The following NLGN4Y variants were observed in gnomAD, a reference collection of about 807,000 sequenced individuals.
The protein encoded by NLGN4Y is neuroligin 4 Y-linked.
Under a neutral mutation model 8.4 loss-of-function variants are expected in NLGN4Y, and 4 were observed. The observed-to-expected ratio is 0.48, with a 90% CI of 0.23 to 1.09. The LOEUF is 1.09. NLGN4Y is among the 50% of genes least tolerant of loss of function. The pLI, the probability that NLGN4Y is intolerant of heterozygous loss-of-function variation, is 0.19. For missense variants in NLGN4Y, 90 were observed against 192.3 expected, an observed-to-expected ratio of 0.47 and a Z score of 3.15; for synonymous variants, 35 against 75.6, an observed-to-expected ratio of 0.46 and a Z score of 2.78.
chrY:14,655,108 G>A, intron 2 of NLGN4Y, among the ~76,000 whole-genome samples: 1 of 32,805 alleles, frequency 3.0e-5, no homozygotes, highest in Non-Finnish European at 7.5e-5. Flanking sequence ...CTGCTTTGTT[G>A]TTACCCCGAT....
chrY:14,762,670 A>C, intron 4 of NLGN4Y, among the ~76,000 whole-genome samples: 1 of 34,376 alleles, frequency 2.9e-5, no homozygotes, highest in African/African-American at 1.1e-4. Flanking sequence ...ACGCTAATGC[A>C]CAAATCTTGA....
intron 1 of NLGN4Y, among the ~76,000 whole-genome samples, chrY:14,571,007 T>C: frequency 9.1e-5 from 3 of 33,026 alleles, no homozygotes; most frequent in Non-Finnish European, 2.2e-4. Context: ...TTGTTGGACA[T>C]TTGGGTTGGT....
chrY:14,753,567 A>G, intron 4 of NLGN4Y, among the ~76,000 whole-genome samples: 1 of 31,227 alleles, frequency 3.2e-5, no homozygotes, highest in Admixed American at 3.2e-4. Context: ...TATATAAAAG[A>G]TGATTTTATA....
intron 1 of NLGN4Y, among the ~76,000 whole-genome samples, chrY:14,602,543 C>G: frequency 3.0e-5 from 1 of 33,054 alleles, no homozygotes; most frequent in Non-Finnish European, 7.4e-5. Context: ...TTAGTTTTAC[C>G]CTTATGTAAA....
At chrY:14,684,399 A>G in intron 2 of NLGN4Y, among the ~76,000 whole-genome samples, 1 of 32,778 alleles carries the variant, frequency 3.1e-5, no homozygotes, top group Non-Finnish European at 7.5e-5. Context: ...CTGTACATCA[A>G]TCATGGCATC....
At chrY:14,601,480 A>G (rs2150498414) in intron 1 of NLGN4Y, among the ~76,000 whole-genome samples, 2 of 32,995 alleles carry the variant, frequency 6.1e-5, no homozygotes, top group East Asian at 1.6e-3. Flanking sequence ...AAATCCTGCT[A>G]TTTTCTGCAG....
At chrY:14,658,196 C>T (rs896846993) in intron 2 of NLGN4Y, among the ~76,000 whole-genome samples, 9 of 32,915 alleles carry the variant, frequency 2.7e-4, no homozygotes, top group Non-Finnish European at 4.5e-4. Flanking sequence ...AATTTTTAAG[C>T]GCTGAACATG....
intron 1 of NLGN4Y, among the ~76,000 whole-genome samples, chrY:14,606,534 A>G (rs2080447106): frequency 8.9e-5 from 3 of 33,581 alleles, no homozygotes; most frequent in Admixed American, 2.8e-4. Flanking sequence ...TTAATTAAGT[A>G]TGTATCTTAA....
At chrY:14,748,928 GAAAGAAAGAAAA>G in intron 4 of NLGN4Y, among the ~76,000 whole-genome samples, 1 of 9,804 alleles carries the variant, frequency 1.0e-4, no homozygotes, top group African/African-American at 4.7e-4. Flanking sequence ...AAGAAAGAAA[GAAAGAAAGAAAA>G]AAAGAAAAAG....
At chrY:14,734,367 A>G in intron 4 of NLGN4Y, among the ~76,000 whole-genome samples, 2 of 33,414 alleles carry the variant, frequency 6.0e-5, no homozygotes, top group African/African-American at 2.3e-4. Context: ...AAGTAAGAAG[A>G]CAGGAATGTA....
At chrY:14,549,040 G>A (rs868694296) in intron 1 of NLGN4Y, among the ~76,000 whole-genome samples, 3 of 32,084 alleles carry the variant, frequency 9.4e-5, no homozygotes, top group South Asian at 1.4e-3. Flanking sequence ...TGCCCTTATA[G>A]CTCCCCTTTG....
At chrY:14,705,075 A>T (rs2080871663) in intron 2 of NLGN4Y, among the ~76,000 whole-genome samples, 1 of 32,281 alleles carries the variant, frequency 3.1e-5, no homozygotes, top group Non-Finnish European at 7.5e-5. Context: ...ACTGTGCATG[A>T]TATCTTCCTT....
At chrY:14,728,273 G>T (rs765616429) in intron 4 of NLGN4Y, among the ~76,000 whole-genome samples, 21 of 33,900 alleles carry the variant, frequency 6.2e-4, no homozygotes, top group Non-Finnish European at 1.2e-3. Context: ...TACAGTCATT[G>T]TGGAAAACTC....
intron 1 of NLGN4Y, among the ~76,000 whole-genome samples, chrY:14,572,568 T>A: frequency 3.0e-5 from 1 of 33,088 alleles, no homozygotes; most frequent in African/African-American, 1.2e-4. Flanking sequence ...CTTCCTCTTT[T>A]CCTAATCGAA....
intron 4 of NLGN4Y, among the ~76,000 whole-genome samples, chrY:14,804,875 C>T (rs771766343): frequency 7.4e-3 from 250 of 33,760 alleles, no homozygotes; most frequent in African/African-American, 0.028. Context: ...CACCACTTAA[C>T]TAACAGGAGA....
chrY:14,543,766 C>G (rs947864773), intron 1 of NLGN4Y, among the ~76,000 whole-genome samples: 23 of 33,356 alleles, frequency 6.9e-4, no homozygotes, highest in African/African-American at 2.2e-3. Context: ...TTATCTAGTA[C>G]CTGGCAGAGA....
intron 1 of NLGN4Y, among the ~76,000 whole-genome samples, chrY:14,533,286 A>G (rs2080120063): frequency 3.0e-5 from 1 of 33,099 alleles, no homozygotes; most frequent in Non-Finnish European, 7.4e-5. Flanking sequence ...TGATTAATTT[A>G]TGGCTATTTC....
chrY:14,587,710 G>A, intron 1 of NLGN4Y, among the ~76,000 whole-genome samples: 5 of 33,045 alleles, frequency 1.5e-4, no homozygotes, highest in Admixed American at 1.4e-3. Context: ...TAAGCACTGA[G>A]GAAGTAAGTA....
intron 2 of NLGN4Y, among the ~76,000 whole-genome samples, chrY:14,656,622 A>G: frequency 3.8e-5 from 1 of 25,978 alleles, no homozygotes; most frequent in South Asian, 8.8e-4. Flanking sequence ...CAACAACAAC[A>G]AAAAAAAAAA....
Sources: gnomAD v4.1 joint callset for allele counts (sites outside exome capture counted in the v4.1 genomes callset) on GRCh38, gnomAD v4.1.1 for gene constraint, MANE v1.5 for transcripts, NCBI Gene and HGNC (gene_info 2026-07-23, HGNC 2026-07-21) for gene names.